The following NCBP3 variants were observed in gnomAD, a reference collection of about 807,000 sequenced individuals.
NCBP3 encodes the protein nuclear cap binding subunit 3.
In NCBP3, 20 loss-of-function variants were observed where a neutral mutation model predicts 75.7. The observed-to-expected ratio is 0.26, with a 90% confidence interval of 0.19 to 0.38. The LOEUF (loss-of-function observed/expected upper bound fraction) is 0.38, where lower values mean the gene tolerates loss of function less well. NCBP3 is among the 10% of genes least tolerant of loss of function. The probability of loss-of-function intolerance (pLI) is 1.00; values close to 1 mark genes in which losing one functional copy is unlikely to be tolerated. For synonymous variants in NCBP3, 293 were observed against 290.5 expected (o/e 1.01, Z -0.09); for missense variants, 678 against 796.9 (o/e 0.85, Z 1.80).
At chr17:3,834,085 G>A (rs2053933678) in intron 3 of NCBP3, among the ~76,000 whole-genome samples, 1 of 152,142 alleles carries the variant, frequency 6.6e-6, no homozygotes, top group Non-Finnish European at 1.5e-5. Context: ...TCACTAATAA[G>A]GATTTCCTGG....
At chr17:3,824,285 A>C (rs1188461410) in intron 7 of NCBP3, 2 of 152,110 alleles carry the variant, frequency 1.3e-5, no homozygotes, top group African/African-American at 4.8e-5. Flanking sequence ...TAACTCTCAA[A>C]TGATTAAAAA....
At position 3,818,238 on chromosome 17, in the gene NCBP3, T is replaced by C. The variant is rs2053585600; in HGVS notation, c.1310+25A>G. 1.3e-6 allele frequency: 2 copies of C among 1,487,046 alleles called. No homozygotes were observed. Among genetic ancestry groups the C allele is most frequent in the Non-Finnish European group, 1.8e-6 (2 of 1,095,870 alleles). The allele number at this position is 1,487,046 out of a possible 1,614,324, so 92.1% of individuals were successfully genotyped here. A position where few individuals can be genotyped will look rare whatever the true frequency, so the allele number is the denominator to read the frequency against. ...TAGTATTTAAAATCAAATTAAAAGC[T>C]AGCTTTGATAAAACAAATTTTTACC... On this transcript the variant is annotated intron_variant, in intron 10 of 12. Transcript: ENST00000389005. The surrounding 1 kb of genome is among the most constrained non-coding windows in gnomAD (Gnocchi z 4.7).
intron 3 of NCBP3, 81 bp downstream of exon 3, chr17:3,840,019 A>C: frequency 9.1e-7 from 1 of 1,101,726 alleles, no homozygotes; most frequent in Non-Finnish European, 1.3e-6. Flanking sequence ...ACGCAAGGCA[A>C]GGCCAGAAGC....
chr17:3,807,352 C>G lies in NCBP3; in HGVS notation c.*5692G>C, dbSNP rs1371674453. On this transcript the variant is annotated 3_prime_UTR_variant, in exon 13 of 13. Coordinates refer to ENST00000389005, the MANE Select transcript of NCBP3 (RefSeq NM_001114118.3). ...TTAGAGAGCTGGTAAGCTTCAGCTC[C>G]GACATGGCCAGATCATCAAAATTTG... 1 of 152,164 alleles carries G rather than the reference C, an allele frequency of 6.6e-6. No homozygotes were observed. The highest frequency in any genetic ancestry group is 1.5e-5 in the Non-Finnish European group (1 of 68,040). The allele number at this position is 152,164 out of a possible 1,614,324, so 9.4% of individuals were successfully genotyped here.
Position 3,818,573 on chromosome 17 carries a change from C to T in NCBP3, c.1001-1G>A. On this transcript the variant is annotated splice_acceptor_variant, in intron 9 of 12. Coordinates refer to ENST00000389005, the MANE Select transcript of NCBP3 (RefSeq NM_001114118.3). LOFTEE classifies it high-confidence loss of function. This position sits in a 1 kb window ranked among gnomAD's most constrained non-coding sequence, Gnocchi z 4.7. ...GGTTCCTCGGGAACATTCACTAGCCCTGAAGAAATTTAACCAGAAAACATT... is the reference window on the plus strand; with the variant it reads ...GGTTCCTCGGGAACATTCACTAGCCTTGAAGAAATTTAACCAGAAAACATT... 1 of 1,593,198 alleles carries T rather than the reference C, an allele frequency of 6.3e-7. No individual in the cohort carries two copies. Among genetic ancestry groups the T allele is most frequent in the Non-Finnish European group, 8.5e-7 (1 of 1,173,594 alleles).
At position 3,818,680 on chromosome 17, in the gene NCBP3, C is replaced by T; in HGVS notation, c.1001-108G>A. ...TAAAAGGTGGGGTTCCCATCCCTGA[C>T]ATTTTATTGGAGCACTATCTATAAT... On this transcript the variant is annotated intron_variant, in intron 9 of 12. Transcript: ENST00000389005. This position sits in a 1 kb window ranked among gnomAD's most constrained non-coding sequence, Gnocchi z 4.7. 8.1e-7 allele frequency: 1 copy of T among 1,238,852 alleles called. No homozygotes were observed. The highest frequency in any genetic ancestry group is 1.1e-6 in the Non-Finnish European group (1 of 895,870). 76.7% of individuals were successfully genotyped at this position (1,238,852 alleles called of 1,614,324 possible).
intron 2 of NCBP3, among the ~76,000 whole-genome samples, chr17:3,840,476 G>A (rs1331388525): frequency 6.6e-6 from 1 of 152,166 alleles, no homozygotes; most frequent in Non-Finnish European, 1.5e-5. Context: ...TCTGCTGACT[G>A]AATGAATAGT....
At chr17:3,815,416 A>C (rs1025124300) in intron 11 of NCBP3, among the ~76,000 whole-genome samples, 1 of 152,236 alleles carries the variant, frequency 6.6e-6, no homozygotes, top group African/African-American at 2.4e-5. Flanking sequence ...TAGCACCTAG[A>C]CCAGGGTCTG....
chr17:3,832,441 C>T (rs218713), intron 3 of NCBP3, among the ~76,000 whole-genome samples: 32,087 of 116,698 alleles, frequency 0.27, 10,755 homozygotes, highest in African/African-American at 0.61. Flanking sequence ...CCATCCTGGC[C>T]AACACGGTGA....
At position 3,814,447 on chromosome 17, in the gene NCBP3, G is replaced by A. The variant is rs750710112; in HGVS notation, c.1502C>T (p.Pro501Leu). 5.8e-5 allele frequency: 93 copies of A among 1,614,084 alleles called. No homozygotes were observed. Among genetic ancestry groups the A allele is most frequent in the Non-Finnish European group, 7.5e-5 (89 of 1,180,054 alleles). ...GGGGTTACTACTAAAAGCCTTTTCC[G>A]GAGAATGTGGTCTTTTTCCTAACCG... is the stretch of plus-strand genomic sequence containing the variant. The part of the protein sequence containing the change: ...RQRLGKRPHS[P>L]EKAFSSNPVV... The change falls in exon 12 of 13, where the codon CCG (proline) becomes CTG (leucine). Residue 501 changes from proline to leucine, a missense_variant. This residue lies in a region of NCBP3 where 365 missense variants were observed against 392.7 expected (regional missense o/e 0.93). Coordinates refer to ENST00000389005, the MANE Select transcript of NCBP3 (RefSeq NM_001114118.3).
At chr17:3,842,969 A>G (rs2054092627) in intron 2 of NCBP3, 117 bp downstream of exon 2, 2 of 958,844 alleles carry the variant, frequency 2.1e-6, no homozygotes, top group Admixed American at 2.5e-5. Flanking sequence ...TTTAGAAAAA[A>G]AATTTAAATC....
At chr17:3,822,189 A>G (rs1447200551) in intron 7 of NCBP3, 137 bp from the exon 8 acceptor site, 3 of 633,554 alleles carry the variant, frequency 4.7e-6, no homozygotes, top group South Asian at 1.9e-5. Context: ...CACTACCAAC[A>G]TTCACACTCT....
intron 3 of NCBP3, among the ~76,000 whole-genome samples, chr17:3,839,493 G>A (rs562475354): frequency 2.0e-5 from 3 of 152,160 alleles, no homozygotes; most frequent in South Asian, 2.1e-4. Context: ...GATTACAGGC[G>A]CCAGCCATCA....
intron 11 of NCBP3, 149 bp from the exon 12 acceptor site, chr17:3,814,632 A>T: frequency 1.2e-6 from 1 of 812,438 alleles, no homozygotes; most frequent in South Asian, 1.9e-5. Context: ...TTCCTTTGTA[A>T]TCAGTCTGGA....
chr17:3,842,489 T>C (rs924411260), intron 2 of NCBP3, among the ~76,000 whole-genome samples: 59 of 152,122 alleles, frequency 3.9e-4, no homozygotes, highest in Non-Finnish European at 6.5e-4. Flanking sequence ...GTGGAAACAG[T>C]ACACATTTTT....
At chr17:3,829,742 G>A (rs1028388094) in intron 3 of NCBP3, among the ~76,000 whole-genome samples, 4 of 152,152 alleles carry the variant, frequency 2.6e-5, no homozygotes, top group African/African-American at 4.8e-5. Context: ...AAAGAGAAAC[G>A]CGCAGTAGTG....
Position 3,803,728 on chromosome 17 carries a change from TA to T in NCBP3, c.*9315del, listed in dbSNP as rs869157304. On this transcript the variant is annotated 3_prime_UTR_variant, in exon 13 of 13. Transcript: ENST00000389005. ...TTTCAAAATAAAGTTTTAAATATTT[TA>T]AAAAATTTTTTTCTTTCTCCCCTTG... 1 of 152,204 alleles carries T rather than the reference TA, an allele frequency of 6.6e-6. No individual in the cohort carries two copies. The highest frequency in any genetic ancestry group is 1.5e-5 in the Non-Finnish European group (1 of 68,032). The allele number at this position is 152,204 out of a possible 1,614,324, so 9.4% of individuals were successfully genotyped here. A position where few individuals can be genotyped will look rare whatever the true frequency, so the allele number is the denominator to read the frequency against.
At chr17:3,815,025 C>T (rs2053503346) in intron 11 of NCBP3, among the ~76,000 whole-genome samples, 1 of 152,198 alleles carries the variant, frequency 6.6e-6, no homozygotes, top group South Asian at 2.1e-4. Context: ...GCCGAGGTCT[C>T]CTCTCACTTT....
At position 3,812,662 on chromosome 17, in the gene NCBP3, G is replaced by A; in HGVS notation, c.*382C>T. On this transcript the variant is annotated 3_prime_UTR_variant, in exon 13 of 13. Transcript: ENST00000389005. ...AAAGGGTGCTGGTAACAGCTGTCAG[G>A]GCCAAGGCAATAGTGAGAAGTTCAG... The A allele has an allele frequency of 9.7e-7, 1 of 1,034,334 alleles. No individual in the cohort carries two copies. The allele number at this position is 1,034,334 out of a possible 1,614,324, so 64.1% of individuals were successfully genotyped here. A position where few individuals can be genotyped will look rare whatever the true frequency, so the allele number is the denominator to read the frequency against.
Sources: allele counts gnomAD v4.1 joint callset (sites outside exome capture counted in the v4.1 genomes callset), GRCh38; gene constraint gnomAD v4.1.1; regional missense constraint gnomAD v4.1.1; non-coding constraint Gnocchi (gnomAD v3.1); transcripts MANE v1.5; gene names NCBI Gene and HGNC (gene_info 2026-07-23, HGNC 2026-07-21).